CDH13: variants seen among roughly 807,000 people sequenced by gnomAD.
CDH13 encodes the protein cadherin-13.
In CDH13, 24 loss-of-function variants were observed where a neutral mutation model predicts 63.8. That is an observed-to-expected ratio of 0.38 (90% CI 0.27 to 0.53). The LOEUF (loss-of-function observed/expected upper bound fraction) is 0.53. Ranked by LOEUF, CDH13 falls within the 20% of genes least tolerant of loss-of-function variation. The pLI, the probability that CDH13 is intolerant of heterozygous loss-of-function variation, is 0.85. For synonymous variants in CDH13, 503 were observed against 355.3 expected (o/e 1.42, Z -4.67); for missense variants, 1,049 against 903.1 (o/e 1.16, Z -2.07).
At chr16:83,344,252 C>T (rs536546644) in intron 5 of CDH13, among the ~76,000 whole-genome samples, 1 of 152,284 alleles carries the variant, frequency 6.6e-6, no homozygotes, top group South Asian at 2.1e-4. Flanking sequence ...ATGCTGCCTT[C>T]TTCATTGAGA....
chr16:83,098,494 G>A (rs1388412445), intron 3 of CDH13, among the ~76,000 whole-genome samples: 5 of 151,986 alleles, frequency 3.3e-5, no homozygotes, highest in African/African-American at 4.8e-5. Flanking sequence ...ATTATTTTTG[G>A]TTTGGATGAA....
At chr16:83,465,431 C>G (rs979853251) in intron 6 of CDH13, among the ~76,000 whole-genome samples, 1 of 152,212 alleles carries the variant, frequency 6.6e-6, no homozygotes, top group Non-Finnish European at 1.5e-5. Context: ...TTGAAGCACT[C>G]TGTCCCCATG....
chr16:83,179,519 G>T (rs1055276323), intron 4 of CDH13, among the ~76,000 whole-genome samples: 2 of 134,350 alleles, frequency 1.5e-5, no homozygotes, highest in Admixed American at 7.4e-5. Context: ...GGGCGTGGTG[G>T]CGGGCACCTG....
At chr16:83,615,970 A>T (rs11644303) in intron 8 of CDH13, among the ~76,000 whole-genome samples, 8,875 of 152,260 alleles carry the variant, frequency 0.058, 383 homozygotes, top group Non-Finnish European at 0.087. Flanking sequence ...TCATCAACTA[A>T]ATCTTCCAGC....
chr16:82,690,847 C>T (rs1915577049), intron 1 of CDH13, among the ~76,000 whole-genome samples: 1 of 152,208 alleles, frequency 6.6e-6, no homozygotes, highest in Non-Finnish European at 1.5e-5. Flanking sequence ...AGCTGACTGT[C>T]AACCCCGCAA....
chr16:82,910,073 G>A (rs981805146), intron 2 of CDH13, among the ~76,000 whole-genome samples: 13 of 152,106 alleles, frequency 8.5e-5, no homozygotes, highest in African/African-American at 2.2e-4. Context: ...TACAATTGCC[G>A]GTGTTCAATT....
At chr16:83,739,551 C>T (rs998476961) in intron 10 of CDH13, among the ~76,000 whole-genome samples, 1 of 151,966 alleles carries the variant, frequency 6.6e-6, no homozygotes, top group Admixed American at 6.5e-5. Flanking sequence ...GTCTTCGGGA[C>T]CCCCAGCACA....
At chr16:82,916,809 C>G (rs2042005668) in intron 2 of CDH13, among the ~76,000 whole-genome samples, 1 of 151,932 alleles carries the variant, frequency 6.6e-6, no homozygotes, top group Non-Finnish European at 1.5e-5. Flanking sequence ...AAAAAATATT[C>G]CCTACTAGGA....
chr16:83,274,445 G>A (rs968293281), intron 5 of CDH13, among the ~76,000 whole-genome samples: 3 of 152,148 alleles, frequency 2.0e-5, no homozygotes, highest in Non-Finnish European at 2.9e-5. Context: ...GAGACCCTCT[G>A]CCACAGGCTT....
intron 5 of CDH13, among the ~76,000 whole-genome samples, chr16:83,327,791 A>T (rs930670283): frequency 6.6e-6 from 1 of 152,252 alleles, no homozygotes; most frequent in Non-Finnish European, 1.5e-5. Flanking sequence ...AAAAGAAAAA[A>T]GTCTTATAGG....
At chr16:83,271,574 A>G (rs776103381) in intron 5 of CDH13, among the ~76,000 whole-genome samples, 2 of 151,876 alleles carry the variant, frequency 1.3e-5, no homozygotes, top group African/African-American at 2.4e-5. Flanking sequence ...GAAAAGAATA[A>G]TATAATGCAT....
chr16:83,354,333 G>A lies in CDH13; in HGVS notation c.781+9327G>A, dbSNP rs1288995802. Among the ~76,000 whole-genome samples the A allele has an allele frequency of 3.3e-5, 5 of 152,268 alleles. No homozygotes were observed. The East Asian group carries it at 9.6e-4, about 29-fold the overall frequency. ...GTCATTAAACATTTATAATTTCGGGGAAACCCTTATTTCAAATCAATTCTT... is the reference window on the plus strand; with the variant it reads ...GTCATTAAACATTTATAATTTCGGGAAAACCCTTATTTCAAATCAATTCTT... On this transcript the variant is annotated intron_variant, in intron 6 of 13. Coordinates refer to ENST00000567109, the MANE Select transcript of CDH13 (RefSeq NM_001257.5).
intron 6 of CDH13, among the ~76,000 whole-genome samples, chr16:83,372,449 G>T (rs1027771829): frequency 6.6e-6 from 1 of 152,150 alleles, no homozygotes; most frequent in African/African-American, 2.4e-5. Context: ...CATGGGCCAG[G>T]TCTACTCTAT....
At chr16:82,784,238 C>T (rs1012727532) in intron 1 of CDH13, among the ~76,000 whole-genome samples, 1 of 152,234 alleles carries the variant, frequency 6.6e-6, no homozygotes, top group African/African-American at 2.4e-5. Flanking sequence ...CCATTTTCAA[C>T]ATCTGGTCTT....
chr16:83,045,236 C>T (rs1282585717), intron 3 of CDH13, among the ~76,000 whole-genome samples: 1 of 152,166 alleles, frequency 6.6e-6, no homozygotes, highest in Non-Finnish European at 1.5e-5. Flanking sequence ...AGTCCTGTGT[C>T]ATCATGACCC....
chr16:83,447,139 A>T (rs2072727115), intron 6 of CDH13, among the ~76,000 whole-genome samples: 1 of 48,316 alleles, frequency 2.1e-5, no homozygotes, highest in Non-Finnish European at 4.2e-5. Flanking sequence ...TTTGTGCTGG[A>T]TGCGGTGGCT....
At chr16:83,709,542 G>T (rs147602004) in intron 10 of CDH13, among the ~76,000 whole-genome samples, 7 of 152,272 alleles carry the variant, frequency 4.6e-5, no homozygotes, top group African/African-American at 1.7e-4. Flanking sequence ...CCACCATGTT[G>T]CCCACATGGG....
chr16:82,778,976 A>G (rs2035626393), intron 1 of CDH13, among the ~76,000 whole-genome samples: 2 of 152,190 alleles, frequency 1.3e-5, no homozygotes, highest in Admixed American at 1.3e-4. Context: ...TGCTGTGTAT[A>G]TTAAATCAAT....
intron 8 of CDH13, among the ~76,000 whole-genome samples, chr16:83,655,746 G>A (rs867132406): frequency 2.0e-5 from 3 of 152,290 alleles, no homozygotes; most frequent in African/African-American, 7.2e-5. Context: ...ACCCAGAATC[G>A]AGCCTGGCAT....
Sources: gnomAD v4.1 joint callset for allele counts (sites outside exome capture counted in the v4.1 genomes callset) on GRCh38, gnomAD v4.1.1 for gene constraint, MANE v1.5 for transcripts, NCBI Gene and HGNC (gene_info 2026-07-23, HGNC 2026-07-21) for gene names.